The following CASR variants were observed in gnomAD, a reference collection of about 807,000 sequenced individuals.
The protein encoded by CASR is extracellular calcium-sensing receptor.
A neutral mutation model predicts 69.1 loss-of-function variants in CASR; 23 were observed. The ratio of observed to expected loss-of-function variants is 0.33; its 90% CI spans 0.24 to 0.47. The LOEUF is 0.47. Ranked by LOEUF, CASR falls within the 20% of genes least tolerant of loss-of-function variation. The pLI is 1.00. For missense variants in CASR, 924 were observed against 1,356.1 expected (o/e 0.68, Z 5.00); for synonymous variants, 541 against 544.7 (o/e 0.99, Z 0.10).
rs2075005346 is a variant in CASR at position 122,290,679 on chromosome 3, A to C, written c.*5488A>C. The C allele has an allele frequency of 6.6e-6, 1 of 152,130 alleles. No individual in the cohort carries two copies. The highest frequency in any genetic ancestry group is 2.4e-5 in the African/African-American group (1 of 41,426). 9.4% of individuals were successfully genotyped at this position (152,130 alleles called of 1,614,324 possible). ...TAAACAGATAAGTATATCATATTAG[A>C]TAGGAATCACCATACTGGGTCAGTC... is the stretch of plus-strand genomic sequence containing the variant. On this transcript the variant is annotated 3_prime_UTR_variant, in exon 7 of 7. Transcript: ENST00000639785.
At chr3:122,238,504 C>G (rs1374952411) in intron 1 of CASR, among the ~76,000 whole-genome samples, 2 of 152,166 alleles carry the variant, frequency 1.3e-5, no homozygotes, top group Non-Finnish European at 2.9e-5. Flanking sequence ...GACTGTAATT[C>G]CTAACTAAGC....
intron 3 of CASR, among the ~76,000 whole-genome samples, chr3:122,258,731 T>A (rs891806368): frequency 1.4e-4 from 21 of 152,202 alleles, no homozygotes; most frequent in African/African-American, 5.1e-4. Context: ...CAAACCAATA[T>A]AAGTCTATCT....
intron 1 of CASR, among the ~76,000 whole-genome samples, chr3:122,248,608 A>ATT (rs539049283): frequency 0.15 from 21,168 of 141,554 alleles, 1,590 homozygotes; most frequent in Non-Finnish European, 0.16. Context: ...GCAACCTAGA[A>ATT]TTTTTTTTTT....
chr3:122,198,206 TTA>T (rs2073908619), intron 1 of CASR, among the ~76,000 whole-genome samples: 2 of 152,198 alleles, frequency 1.3e-5, no homozygotes, highest in South Asian at 4.1e-4. Flanking sequence ...AGAAAAGGAT[TTA>T]TGACACAGAA....
intron 1 of CASR, among the ~76,000 whole-genome samples, chr3:122,204,053 C>G (rs1276284743): frequency 5.3e-5 from 8 of 151,928 alleles, no homozygotes; most frequent in Admixed American, 5.2e-4. Flanking sequence ...AATCAGTGTA[C>G]TTGGGATATC....
At chr3:122,270,103 A>G (rs898649031) in intron 4 of CASR, among the ~76,000 whole-genome samples, 2 of 152,090 alleles carry the variant, frequency 1.3e-5, no homozygotes, top group African/African-American at 4.8e-5. Flanking sequence ...CGGCTTCCCA[A>G]AGTGCTGGGA....
chr3:122,235,448 T>C (rs1321066511), intron 1 of CASR, among the ~76,000 whole-genome samples: 1 of 152,160 alleles, frequency 6.6e-6, no homozygotes, highest in East Asian at 1.9e-4. Context: ...GGAATACTGG[T>C]TTCATAAGAT....
rs1211380440 is a variant in CASR at position 122,284,315 on chromosome 3, C to T, written c.2361C>T (p.Cys787=). The change falls in exon 7 of 7, where the codon TGC becomes TGT. Residue 787 remains cysteine, a synonymous_variant. Transcript: ENST00000639785. The part of the protein sequence containing the change: ...IGYTCLLAAI[C]FFFAFKSRKL... ...ACACCTGCCTGCTGGCTGCCATCTG[C>T]TTCTTCTTTGCCTTCAAGTCCCGGA... 5.0e-6 allele frequency: 8 copies of T among 1,614,164 alleles called. No individual in the cohort carries two copies. In the East Asian group the frequency reaches 1.6e-4, roughly 31 times the overall value.
chr3:122,212,355 C>T lies in CASR; in HGVS notation c.-243+28543C>T, dbSNP rs143165489. 4.1e-3 allele frequency among the ~76,000 whole-genome samples: 624 copies of T among 152,148 alleles called. 5 individuals are homozygous for T. Among genetic ancestry groups the T allele is most frequent in the African/African-American group, 0.014 (599 of 41,492 alleles). On this transcript the variant is annotated intron_variant, in intron 1 of 6. Coordinates refer to ENST00000639785, the MANE Select transcript of CASR (RefSeq NM_000388.4). ...TTCTCACTTATAAGTGGGAGCTGAA[C>T]GATGAGAACACATGGACACAGGGAG... is the stretch of plus-strand genomic sequence containing the variant.
In CASR at chr3:122,284,519, C is replaced by T. The variant is rs760806852; in HGVS notation, c.2565C>T (p.Asn855=). The T allele has an allele frequency of 1.3e-5, 21 of 1,613,672 alleles. No homozygotes were observed. The highest frequency in any genetic ancestry group is 1.7e-5 in the Non-Finnish European group (20 of 1,180,034). ...SFGLLACIFF[N]KIYIILFKPS... is the part of the protein sequence containing the mutation. Reference sequence around the variant, plus strand: ...GCTTGCTGGCGTGCATCTTCTTCAACAAGATCTACATCATTCTCTTCAAGC... The same window carrying T: ...GCTTGCTGGCGTGCATCTTCTTCAATAAGATCTACATCATTCTCTTCAAGC... Residue 855 remains asparagine, a synonymous_variant, in exon 7 of 7, where the codon AAC becomes AAT. Coordinates refer to ENST00000639785, the MANE Select transcript of CASR (RefSeq NM_000388.4).
At chr3:122,232,635 C>T (rs1371745234) in intron 1 of CASR, among the ~76,000 whole-genome samples, 7 of 152,104 alleles carry the variant, frequency 4.6e-5, no homozygotes, top group African/African-American at 1.2e-4. Flanking sequence ...GCCCAGGAAT[C>T]GCCAGGTGGG....
intron 1 of CASR, among the ~76,000 whole-genome samples, chr3:122,219,585 A>G (rs2074151007): frequency 6.6e-6 from 1 of 152,194 alleles, no homozygotes; most frequent in Non-Finnish European, 1.5e-5. Flanking sequence ...CTGGGTTTCT[A>G]TCAGTGCTGT....
chr3:122,284,384 C>T lies in CASR; in HGVS notation c.2430C>T (p.Ser810=). The T allele has an allele frequency of 1.2e-6, 2 of 1,614,122 alleles. No individual in the cohort carries two copies. The highest frequency in any genetic ancestry group is 2.2e-5 in the South Asian group (2 of 91,086). The change falls in exon 7 of 7, where the codon AGC becomes AGT. Residue 810 remains serine (S), a synonymous_variant. Coordinates refer to ENST00000639785, the MANE Select transcript of CASR (RefSeq NM_000388.4). ...NFNEAKFITF[S]MLIFFIVWIS... is the part of the protein sequence containing the mutation. Reference sequence around the variant, plus strand: ...ATGAAGCCAAGTTCATCACCTTCAGCATGCTCATCTTCTTCATCGTCTGGA... The same window carrying T: ...ATGAAGCCAAGTTCATCACCTTCAGTATGCTCATCTTCTTCATCGTCTGGA...
At chr3:122,266,991 G>A (rs113640333) in intron 4 of CASR, among the ~76,000 whole-genome samples, 80 of 152,284 alleles carry the variant, frequency 5.3e-4, no homozygotes, top group African/African-American at 1.8e-3. Flanking sequence ...GCAACAGAGC[G>A]AGACTCCGTC....
At chr3:122,189,492 AT>A (rs564217668) in intron 1 of CASR, among the ~76,000 whole-genome samples, 4 of 151,844 alleles carry the variant, frequency 2.6e-5, no homozygotes, top group Admixed American at 2.6e-4. Flanking sequence ...TCTATGATTG[AT>A]TTTTTTTCCC....
At chr3:122,255,904 T>TAAAG (rs3050782) in intron 2 of CASR, among the ~76,000 whole-genome samples, 139,976 of 151,896 alleles carry the variant, frequency 0.92, 64,784 homozygotes, top group East Asian at 0.98. Flanking sequence ...ACCCACAATA[T>TAAAG]AAAGAACCTG....
chr3:122,213,832 C>T (rs192330886), intron 1 of CASR, among the ~76,000 whole-genome samples: 212 of 152,356 alleles, frequency 1.4e-3, no homozygotes, highest in Middle Eastern at 6.8e-3. Flanking sequence ...AGATGACTTA[C>T]TCATACTGGC....
intron 1 of CASR, chr3:122,247,033 T>C (rs1161529566): frequency 6.6e-6 from 1 of 152,176 alleles, no homozygotes; most frequent in Non-Finnish European, 1.5e-5. Context: ...GCTATGCCCA[T>C]TGAGGGGCAG....
chr3:122,222,290 T>C (rs1224141793), intron 1 of CASR, among the ~76,000 whole-genome samples: 2 of 152,168 alleles, frequency 1.3e-5, no homozygotes, highest in Non-Finnish European at 2.9e-5. Context: ...GCCTGTGTAC[T>C]CTGGGTGTAT....
Sources: gnomAD v4.1 joint callset for allele counts (sites outside exome capture counted in the v4.1 genomes callset) on GRCh38, gnomAD v4.1.1 for gene constraint, MANE v1.5 for transcripts, NCBI Gene and HGNC (gene_info 2026-07-23, HGNC 2026-07-21) for gene names.